Variants in PLEKHA5 observed in about 807,000 individuals in gnomAD.
PLEKHA5 encodes the protein pleckstrin homology domain containing A5, also known as pleckstrin homology domain-containing family A member 5.
A neutral mutation model predicts 181.9 loss-of-function variants in PLEKHA5; 55 were observed. That is an observed-to-expected ratio of 0.30 (90% confidence interval 0.24 to 0.38). The LOEUF (loss-of-function observed/expected upper bound fraction) is 0.38. Ranked by LOEUF, PLEKHA5 falls within the 10% of genes least tolerant of loss-of-function variation. PLEKHA5 has a pLI of 1.00. For synonymous variants in PLEKHA5, 535 were observed against 529.4 expected, an observed-to-expected ratio of 1.01 and a Z score of -0.15; for missense variants, 1,432 against 1,549.5, an observed-to-expected ratio of 0.92 and a Z score of 1.27.
chr12:19,132,115 C>G (rs1285588446), intron 2 of PLEKHA5, among the ~76,000 whole-genome samples: 1 of 152,050 alleles, frequency 6.6e-6, no homozygotes, highest in East Asian at 1.9e-4. Flanking sequence ...CCTTTGCTTT[C>G]TTGGGTGCCA....
chr12:19,286,181 A>G (rs2077175854), intron 12 of PLEKHA5, among the ~76,000 whole-genome samples: 1 of 152,232 alleles, frequency 6.6e-6, no homozygotes, highest in South Asian at 2.1e-4. Context: ...TTTATATTGT[A>G]TACTGACATA....
chr12:19,151,976 C>G (rs530459541), intron 3 of PLEKHA5: 3 of 151,658 alleles, frequency 2.0e-5, no homozygotes, highest in South Asian at 2.1e-4. Context: ...ATGCCATTCT[C>G]CTGCCTCAGC....
At chr12:19,200,374 A>T in intron 3 of PLEKHA5, 1 of 1,529,594 alleles carries the variant, frequency 6.5e-7, no homozygotes, top group Non-Finnish European at 8.8e-7. Context: ...ATGTAATGGA[A>T]GTTCCAGTAT....
chr12:19,158,046 T>A (rs11044435), intron 3 of PLEKHA5, among the ~76,000 whole-genome samples: 136,845 of 152,110 alleles, frequency 0.9, 62,183 homozygotes, highest in Non-Finnish European at 0.98. Flanking sequence ...AATCAAGTTT[T>A]AAAAATTTAA....
intron 3 of PLEKHA5, among the ~76,000 whole-genome samples, chr12:19,138,236 GA>G: frequency 6.6e-6 from 1 of 152,202 alleles, no homozygotes; most frequent in African/African-American, 2.4e-5. Flanking sequence ...AATTAAGGGT[GA>G]AAAGTTATGT....
rs1201659656 is a variant in PLEKHA5, at chr12:19,257,328, C to T, written c.433-105C>T. 5 of 606,522 alleles carry T rather than the reference C, an allele frequency of 8.2e-6. No homozygotes were observed. The African/African-American group carries it at 9.7e-5, about 12-fold the overall frequency. 37.6% of individuals were successfully genotyped at this position (606,522 alleles called of 1,614,324 possible). On this transcript the variant is annotated intron_variant, in intron 5 of 31. Coordinates refer to ENST00000429027, the MANE Select transcript of PLEKHA5 (RefSeq NM_001256470.2). ...TTTTTCTGAAAAGATTTAAGTCCTG[C>T]AAGTCTTGGGAAAATCTGAAAAGAG... is the stretch of plus-strand genomic sequence containing the variant.
At position 19,130,245 on chromosome 12, in the gene PLEKHA5, G is replaced by A. The variant is rs1171000832; in HGVS notation, c.169+115G>A. On this transcript the variant is annotated intron_variant, in intron 2 of 31. Transcript: ENST00000429027. The surrounding 1 kb of genome is among the most constrained non-coding windows in gnomAD (Gnocchi z 4.5). ...CGGGCCCCGGGAGGCGGCGAGGCGGGGCGGAGGCCGGGCGGGAGCGGCCGC... is the reference window on the plus strand; with the variant it reads ...CGGGCCCCGGGAGGCGGCGAGGCGGAGCGGAGGCCGGGCGGGAGCGGCCGC... The A allele has an allele frequency of 6.1e-6, 3 of 493,212 alleles. No homozygotes were observed. The highest frequency in any genetic ancestry group is 2.1e-5 in the African/African-American group (1 of 48,462). 30.6% of individuals were successfully genotyped at this position (493,212 alleles called of 1,614,324 possible). A position where few individuals can be genotyped will look rare whatever the true frequency, so the allele number is the denominator to read the frequency against.
intron 3 of PLEKHA5, among the ~76,000 whole-genome samples, chr12:19,240,433 T>C (rs1239784236): frequency 6.7e-6 from 1 of 148,958 alleles, no homozygotes; most frequent in Admixed American, 6.7e-5. Context: ...TTAGCATTCA[T>C]TAGGGAGTTT....
chr12:19,184,609 T>G (rs759476920), intron 3 of PLEKHA5, among the ~76,000 whole-genome samples: 1 of 152,216 alleles, frequency 6.6e-6, no homozygotes, highest in African/African-American at 2.4e-5. Flanking sequence ...GAAGACAGAA[T>G]GTCTGAATGA....
intron 3 of PLEKHA5, among the ~76,000 whole-genome samples, chr12:19,170,521 G>A (rs2045647927): frequency 6.6e-6 from 1 of 151,652 alleles, no homozygotes; most frequent in Non-Finnish European, 1.5e-5. Flanking sequence ...TGCCTCCTGG[G>A]TTTAAGCAAT....
In PLEKHA5 at chr12:19,220,156, T is replaced by G. The variant is rs534060721; in HGVS notation, c.228-33784T>G. On this transcript the variant is annotated intron_variant, in intron 3 of 31. Transcript: ENST00000429027. ...CCCAAAAAAAGAAAAAGAAACAATT[T>G]CACACAGAGAAAGTCCAAGAAACTC... is the stretch of plus-strand genomic sequence containing the variant. 8.5e-5 allele frequency among the ~76,000 whole-genome samples: 12 copies of G among 140,600 alleles called. No individual in the cohort carries two copies. The East Asian group carries it at 2.9e-3, about 34-fold the overall frequency. 92.2% of individuals were successfully genotyped at this position (140,600 alleles called of 152,430 possible).
At chr12:19,307,315 A>G (rs1198719678) in intron 15 of PLEKHA5, 1 of 336,866 alleles carries the variant, frequency 3.0e-6, no homozygotes, top group East Asian at 8.1e-5. Flanking sequence ...TCTACTAAAA[A>G]TTCAAAATTA....
At chr12:19,224,709 A>G (rs75564177) in intron 3 of PLEKHA5, among the ~76,000 whole-genome samples, 116 of 152,330 alleles carry the variant, frequency 7.6e-4, no homozygotes, top group African/African-American at 2.7e-3. Context: ...AATGACCATC[A>G]TTCAGTGTTC....
intron 21 of PLEKHA5, among the ~76,000 whole-genome samples, chr12:19,337,524 G>A (rs1161956824): frequency 2.2e-5 from 3 of 136,624 alleles, no homozygotes; most frequent in Non-Finnish European, 4.6e-5. Context: ...ACTCCAGCCT[G>A]AGCGACAGAG....
At chr12:19,343,669 C>T (rs1482335219) in intron 22 of PLEKHA5, among the ~76,000 whole-genome samples, 1 of 152,138 alleles carries the variant, frequency 6.6e-6, no homozygotes, top group East Asian at 1.9e-4. Context: ...ATACTGTAGA[C>T]AGTTGTAACA....
At chr12:19,171,041 A>G (rs1819309761) in intron 3 of PLEKHA5, among the ~76,000 whole-genome samples, 1 of 152,210 alleles carries the variant, frequency 6.6e-6, no homozygotes, top group African/African-American at 2.4e-5. Flanking sequence ...ATGTAAAATG[A>G]GAATAGTAAT....
At chr12:19,194,494 A>G (rs765353813) in intron 3 of PLEKHA5, among the ~76,000 whole-genome samples, 11 of 152,114 alleles carry the variant, frequency 7.2e-5, no homozygotes, top group Admixed American at 1.3e-4. Flanking sequence ...TGGTAGTTCT[A>G]TTTCTGGTTT....
intron 3 of PLEKHA5, among the ~76,000 whole-genome samples, chr12:19,170,770 A>T (rs964954957): frequency 3.3e-5 from 5 of 152,148 alleles, no homozygotes; most frequent in African/African-American, 1.2e-4. Flanking sequence ...TCTGGAGACG[A>T]CATACTTTTT....
intron 3 of PLEKHA5, among the ~76,000 whole-genome samples, chr12:19,199,496 C>A (rs767474262): frequency 6.6e-6 from 1 of 152,010 alleles, no homozygotes; most frequent in African/African-American, 2.4e-5. Context: ...TTTTCAAGAT[C>A]CTGTTGCCAC....
Sources: allele counts gnomAD v4.1 joint callset (sites outside exome capture counted in the v4.1 genomes callset), GRCh38; gene constraint gnomAD v4.1.1; non-coding constraint Gnocchi (gnomAD v3.1); transcripts MANE v1.5; gene names NCBI Gene and HGNC (gene_info 2026-07-23, HGNC 2026-07-21).